The following SPTY2D1 variants were observed in gnomAD, a reference collection of about 807,000 sequenced individuals.
The protein encoded by SPTY2D1 is SPT2 chromatin protein domain containing 1.
A neutral mutation model predicts 64.0 loss-of-function variants in SPTY2D1; 21 were observed. The ratio of observed to expected loss-of-function variants is 0.33; its 90% CI spans 0.23 to 0.47. The LOEUF (loss-of-function observed/expected upper bound fraction) is 0.47. Ranked by LOEUF, SPTY2D1 falls within the 20% of genes least tolerant of loss-of-function variation. SPTY2D1 has a pLI of 1.00. For synonymous variants in SPTY2D1, 287 were observed against 286.8 expected, an observed-to-expected ratio of 1.00 and a Z score of -0.01; for missense variants, 724 against 837.2, an observed-to-expected ratio of 0.86 and a Z score of 1.67.
chr11:18,624,106 G>A (rs779275238), intron 1 of SPTY2D1, among the ~76,000 whole-genome samples: 44 of 152,066 alleles, frequency 2.9e-4, no homozygotes, highest in Admixed American at 7.2e-4. Context: ...TTCAAAAGGG[G>A]GTTGCAATAG....
chr11:18,615,907 ACT>A lies in SPTY2D1; in HGVS notation c.365_366del (p.Glu122ValfsTer2). 1 of 1,610,672 alleles carries A rather than the reference ACT, an allele frequency of 6.2e-7. No individual in the cohort carries two copies. The highest frequency in any genetic ancestry group is 1.1e-5 in the South Asian group (1 of 90,790). On this transcript the variant is annotated frameshift_variant, in exon 3 of 6. Transcript: ENST00000336349. LOFTEE classifies it high-confidence loss of function. ...AATTCATTCTCTTCTTCCATTTCAT[ACT>A]CTCGGTCGGTTCCTTGGCTGGTATG... ...ESHTSQGTDR[E>X]YEMEEENEFL...
intron 1 of SPTY2D1, among the ~76,000 whole-genome samples, chr11:18,621,505 T>C (rs534046461): frequency 6.6e-6 from 1 of 152,212 alleles, no homozygotes; most frequent in Admixed American, 6.5e-5. Flanking sequence ...TATACACCTA[T>C]TCTCATCAAT....
intron 1 of SPTY2D1, among the ~76,000 whole-genome samples, chr11:18,631,702 T>C (rs752545247): frequency 2.0e-5 from 3 of 151,572 alleles, no homozygotes; most frequent in African/African-American, 7.3e-5. Context: ...GGAATAAATA[T>C]GGGGAAATGT....
chr11:18,618,151 G>A (rs979131372), intron 1 of SPTY2D1, among the ~76,000 whole-genome samples: 5 of 152,176 alleles, frequency 3.3e-5, no homozygotes, highest in East Asian at 1.9e-4. Context: ...CTTAGAACAC[G>A]GAAACACTGA....
Position 18,634,272 on chromosome 11 carries a change from GGA to G in SPTY2D1, c.-17_-16del. On this transcript the variant is annotated 5_prime_UTR_variant, in exon 1 of 6. Coordinates refer to ENST00000336349, the MANE Select transcript of SPTY2D1 (RefSeq NM_194285.3). ...CTGAAGTCCATGTTGGGCCGAGGCG[GGA>G]GAGACTGGGCCAGGCACTCGGAAAG... The G allele has an allele frequency of 6.2e-7, 1 of 1,613,990 alleles. No homozygotes were observed. The highest frequency in any genetic ancestry group is 8.5e-7 in the Non-Finnish European group (1 of 1,179,982).
At position 18,609,926 on chromosome 11, in the gene SPTY2D1, C is replaced by T; in HGVS notation, c.1993G>A (p.Glu665Lys). Residue 665 changes from glutamate to lysine, a missense_variant, in exon 6 of 6, where the codon GAG becomes AAG. Around this residue, in one of 3 missense-constraint regions of SPTY2D1, gnomAD observed 119 missense variants for 172.9 expected, o/e 0.69. Coordinates refer to ENST00000336349, the MANE Select transcript of SPTY2D1 (RefSeq NM_194285.3). ...TCTTCTTCTTCACGTCTCATTTCCT[C>T]TAAGTCCTCTTGCATACCCAGTCTT... The part of the protein sequence containing the change: ...SLRLGMQEDL[E>K]EMRREEEEMQ... The T allele has an allele frequency of 6.2e-7, 1 of 1,614,170 alleles. No individual in the cohort carries two copies. Among genetic ancestry groups the T allele is most frequent in the Non-Finnish European group, 8.5e-7 (1 of 1,180,032 alleles).
At chr11:18,611,786 A>C (rs541727139) in intron 4 of SPTY2D1, among the ~76,000 whole-genome samples, 1 of 152,340 alleles carries the variant, frequency 6.6e-6, no homozygotes, top group African/African-American at 2.4e-5. Context: ...TCTGAAGCTA[A>C]TGTTCATGAA....
At chr11:18,622,015 A>G (rs1854413105) in intron 1 of SPTY2D1, among the ~76,000 whole-genome samples, 1 of 141,148 alleles carries the variant, frequency 7.1e-6, no homozygotes, top group Non-Finnish European at 1.5e-5. Context: ...TCAGCCAGGG[A>G]GGTCGAGGCT....
chr11:18,627,139 A>C (rs894974375), intron 1 of SPTY2D1, among the ~76,000 whole-genome samples: 10 of 151,588 alleles, frequency 6.6e-5, no homozygotes, highest in Non-Finnish European at 1.0e-4. Context: ...TTGGCCAGGC[A>C]TGGTGGCTCA....
At chr11:18,617,899 G>A (rs1341292200) in intron 1 of SPTY2D1, among the ~76,000 whole-genome samples, 4 of 152,146 alleles carry the variant, frequency 2.6e-5, no homozygotes, top group African/African-American at 7.2e-5. Flanking sequence ...CCGAGATTGC[G>A]CCACTGCACT....
chr11:18,615,972 A>C lies in SPTY2D1; in HGVS notation c.302T>G (p.Ile101Ser). 1.2e-6 allele frequency: 2 copies of C among 1,614,090 alleles called. No individual in the cohort carries two copies. Among genetic ancestry groups the C allele is most frequent in the Non-Finnish European group, 1.7e-6 (2 of 1,180,010 alleles). Residue 101 changes from isoleucine (I) to serine (S), a missense_variant, in exon 3 of 6, where the codon ATT becomes AGT. By Grantham distance (142) the Ile-to-Ser change is moderately radical. Around this residue, in one of 3 missense-constraint regions of SPTY2D1, gnomAD observed 179 missense variants for 232.5 expected, o/e 0.77. Coordinates refer to ENST00000336349, the MANE Select transcript of SPTY2D1 (RefSeq NM_194285.3). ...CTGCCTCTTCTTTGACTTTTCCTCA[A>C]TAGGAATCCCATTGTAACCATGGAA... ...DNFHGYNGIPIEEKSKKRQAT... is the reference protein window; with the variant it reads ...DNFHGYNGIPSEEKSKKRQAT...
In SPTY2D1 at chr11:18,614,887, G is replaced by T; in HGVS notation, c.1387C>A (p.Arg463Ser). 1.2e-6 allele frequency: 2 copies of T among 1,613,602 alleles called. No individual in the cohort carries two copies. The highest frequency in any genetic ancestry group is 1.7e-6 in the Non-Finnish European group (2 of 1,179,720). ...CTGCTCACAGGCCGGCCAGGGCCAC[G>T]AGAGCTGCCCAAGGGTCTTGCAGAA... ...VSSARPLGSS[R>S]GPGRPVSSPH... The change falls in exon 3 of 6, where the codon CGT becomes AGT. Residue 463 changes from arginine (R) to serine (S), a missense_variant. Physicochemically the swap from Arg to Ser is moderately radical, Grantham distance 110 (BLOSUM62 -1). This residue lies in a region of SPTY2D1 where 426 missense variants were observed against 431.8 expected (regional missense o/e 0.99). Transcript: ENST00000336349.
intron 2 of SPTY2D1, among the ~76,000 whole-genome samples, 184 bp from the exon 3 acceptor site, chr11:18,616,282 A>G (rs527979018): frequency 6.0e-4 from 92 of 152,316 alleles, no homozygotes; most frequent in African/African-American, 2.1e-3. Flanking sequence ...GGGTTTTTCT[A>G]TATGACTAAG....
intron 1 of SPTY2D1, among the ~76,000 whole-genome samples, chr11:18,619,710 T>C (rs986670108): frequency 1.8e-4 from 27 of 152,040 alleles, no homozygotes; most frequent in Non-Finnish European, 7.4e-5. Flanking sequence ...TGAGCCAAAA[T>C]TGCGCCACTG....
In SPTY2D1 at chr11:18,615,037, T is replaced by C; in HGVS notation, c.1237A>G (p.Ser413Gly). 1.2e-6 allele frequency: 2 copies of C among 1,614,156 alleles called. No homozygotes were observed. The highest frequency in any genetic ancestry group is 2.7e-5 in the African/African-American group (2 of 75,070). ...TCATTGGTTGGCTTCTTGGACCCAC[T>C]GATTGATCGCTCAGGTCCTGAGCTG... The part of the protein sequence containing the change: ...SSSSGPERSI[S>G]GSKKPTNDSN... The change falls in exon 3 of 6, where the codon AGT becomes GGT. Residue 413 changes from serine to glycine, a missense_variant. Ser to Gly is a moderately conservative substitution (Grantham distance 56, BLOSUM62 0). This residue lies in a region of SPTY2D1 where 426 missense variants were observed against 431.8 expected (regional missense o/e 0.99). Transcript: ENST00000336349.
Position 18,614,549 on chromosome 11 carries a change from A to T in SPTY2D1, c.1711+14T>A, listed in dbSNP as rs1272326141. 6.3e-7 allele frequency: 1 copy of T among 1,589,834 alleles called. No individual in the cohort carries two copies. Among genetic ancestry groups the T allele is most frequent in the Non-Finnish European group, 8.6e-7 (1 of 1,166,500 alleles). Reference sequence around the variant, plus strand: ...TGACAAATATATACTCTTTCGGGTGAGGGGAAATTTTACCTTGGGCAGCTC... The same window carrying T: ...TGACAAATATATACTCTTTCGGGTGTGGGGAAATTTTACCTTGGGCAGCTC... On this transcript the variant is annotated intron_variant, in intron 3 of 5. Transcript: ENST00000336349.
chr11:18,629,113 T>C (rs1854545375), intron 1 of SPTY2D1, among the ~76,000 whole-genome samples: 1 of 152,236 alleles, frequency 6.6e-6, no homozygotes, highest in African/African-American at 2.4e-5. Context: ...GTGGAGGTCA[T>C]ACCAGAGCTT....
At chr11:18,625,884 C>G (rs1854489371) in intron 1 of SPTY2D1, among the ~76,000 whole-genome samples, 1 of 148,846 alleles carries the variant, frequency 6.7e-6, no homozygotes. Flanking sequence ...GGCGTGGTCT[C>G]GGCTCACTGC....
chr11:18,630,866 G>A lies in SPTY2D1; in HGVS notation c.60+3332C>T, dbSNP rs1402861483. Among the ~76,000 whole-genome samples, 4 of 151,730 alleles carry A rather than the reference G, an allele frequency of 2.6e-5. No homozygotes were observed. The East Asian group carries it at 7.7e-4, about 29-fold the overall frequency. ...AGACAGAGTCTCGCTCTGTCACCCC[G>A]GCTGGAGTGCAGTGGCACGATCTCC... On this transcript the variant is annotated intron_variant, in intron 1 of 5. Coordinates refer to ENST00000336349, the MANE Select transcript of SPTY2D1 (RefSeq NM_194285.3).
Sources: gnomAD v4.1 joint callset for allele counts (sites outside exome capture counted in the v4.1 genomes callset) on GRCh38, gnomAD v4.1.1 for gene constraint, gnomAD v4.1.1 regional missense constraint, MANE v1.5 for transcripts, NCBI Gene and HGNC (gene_info 2026-07-23, HGNC 2026-07-21) for gene names.